The following ZNF595 variants were observed in gnomAD, a reference collection of about 807,000 sequenced individuals.
ZNF595 encodes the protein zinc finger protein 595.
Under a neutral mutation model 19.4 loss-of-function variants are expected in ZNF595, and 9 were observed. The ratio of observed to expected loss-of-function variants is 0.46; its 90% CI spans 0.28 to 0.81. ZNF595 has a LOEUF of 0.81. Among genes scored for constraint, ZNF595 ranks in the 30% least tolerant of loss-of-function variants. ZNF595 has a pLI of 0.11. For synonymous variants in ZNF595, 255 were observed against 255.9 expected (o/e 1.00, Z 0.03); for missense variants, 729 against 736.0 (o/e 0.99, Z 0.11).
intron 3 of ZNF595, among the ~76,000 whole-genome samples, chr4:81,302 TAA>T (rs1213635871): frequency 6.6e-6 from 1 of 152,230 alleles, no homozygotes. Context: ...ATTTCCAATA[TAA>T]GAGTCTCTGT....
chr4:79,371 G>A (rs1553799404), intron 3 of ZNF595, among the ~76,000 whole-genome samples: 1 of 152,128 alleles, frequency 6.6e-6, no homozygotes, highest in African/African-American at 2.4e-5. Context: ...CTGTTTCCAG[G>A]AATTGTCTTT....
rs33985555 is a variant in ZNF595 at position 87,715 on chromosome 4, ATTTT to A, written c.*284_*287del. The A allele has an allele frequency of 2.8e-4, 33 of 117,792 alleles. No homozygotes were observed. The highest frequency in any genetic ancestry group is 5.9e-4 in the Admixed American group (6 of 10,252). The allele number at this position is 117,792 out of a possible 1,614,324, so 7.3% of individuals were successfully genotyped here. ...ACACACAGTCCAGTTATACACTTTA[ATTTT>A]TTTTTTTTTTTTTTTTTTTGAGACA... is the stretch of plus-strand genomic sequence containing the variant. On this transcript the variant is annotated 3_prime_UTR_variant, in exon 4 of 4. Coordinates refer to ENST00000610261, the MANE Select transcript of ZNF595 (RefSeq NM_182524.4).
At chr4:79,093 C>T (rs1713796080) in intron 3 of ZNF595, among the ~76,000 whole-genome samples, 1 of 152,150 alleles carries the variant, frequency 6.6e-6, no homozygotes, top group South Asian at 2.1e-4. Context: ...AATTTAATAC[C>T]TTATAAACAA....
chr4:80,821 A>G (rs1395594292), intron 3 of ZNF595, among the ~76,000 whole-genome samples: 5 of 150,860 alleles, frequency 3.3e-5, no homozygotes. Context: ...GCTTGGGCTC[A>G]GAGGCCTGAC....
In ZNF595 at chr4:77,096, T is replaced by C. The variant is rs184085602; in HGVS notation, c.227-8635T>C. On this transcript the variant is annotated intron_variant, in intron 3 of 3. Coordinates refer to ENST00000610261, the MANE Select transcript of ZNF595 (RefSeq NM_182524.4). The stretch of plus-strand genomic sequence containing the variant: ...ATATGTACATTTTTACAGTTTATTA[T>C]GCAGTATGTGGCCCAAATGCTTTAT... 1.6e-3 allele frequency among the ~76,000 whole-genome samples: 239 copies of C among 152,204 alleles called. 1 individual carries two copies. Among genetic ancestry groups the C allele is most frequent in the Non-Finnish European group, 2.0e-3 (139 of 67,998 alleles).
At position 86,435 on chromosome 4, in the gene ZNF595, C is replaced by A; in HGVS notation, c.931C>A (p.Pro311Thr). The A allele has an allele frequency of 1.2e-6, 2 of 1,613,984 alleles. No homozygotes were observed. The highest frequency in any genetic ancestry group is 2.2e-5 in the South Asian group (2 of 91,076). The stretch of plus-strand genomic sequence containing the variant: ...TAAGAATATTCATACTGGAGAGAAA[C>A]CCTACAAATGTAAAGAATGTGGCAA... The part of the protein sequence containing the change: ...EHKNIHTGEK[P>T]YKCKECGKAF... The change falls in exon 4 of 4, where the codon CCC becomes ACC. Residue 311 changes from proline (P) to threonine (T), a missense_variant. Transcript: ENST00000610261.
intron 3 of ZNF595, among the ~76,000 whole-genome samples, chr4:82,961 T>C (rs1321633868): frequency 1.3e-5 from 2 of 152,172 alleles, no homozygotes; most frequent in African/African-American, 2.4e-5. Context: ...AATTGAGCTA[T>C]TGAAATATCC....
chr4:77,493 A>T (rs923413492), intron 3 of ZNF595, among the ~76,000 whole-genome samples: 1 of 152,116 alleles, frequency 6.6e-6, no homozygotes. Flanking sequence ...GTGAAGCCTT[A>T]TTTTGATGTC....
At chr4:71,395 G>A (rs1372971760) in intron 3 of ZNF595, among the ~76,000 whole-genome samples, 1 of 152,008 alleles carries the variant, frequency 6.6e-6, no homozygotes, top group African/African-American at 2.4e-5. Flanking sequence ...TGCATCTTTT[G>A]TGCCTCTTCT....
At chr4:82,371 GGTTTTTTTTTT>G (rs1295358322) in intron 3 of ZNF595, among the ~76,000 whole-genome samples, 2 of 97,714 alleles carry the variant, frequency 2.0e-5, no homozygotes, top group African/African-American at 7.3e-5. Context: ...TTTGGTTTGT[GGTTTTTTTTTT>G]TTTTTTTTTT....
chr4:77,753 A>G (rs1290498293), intron 3 of ZNF595, among the ~76,000 whole-genome samples: 4 of 152,178 alleles, frequency 2.6e-5, no homozygotes, highest in Non-Finnish European at 2.9e-5. Flanking sequence ...AACTTTATCA[A>G]TAAGACTGGC....
rs1553798978 is a variant in ZNF595 at position 77,618 on chromosome 4, T to G, written c.227-8113T>G. ...TATTTCCACTGAGATTGCAATTAAA[T>G]GCTTTGGAGCCAGGTCACATAACTA... On this transcript the variant is annotated intron_variant, in intron 3 of 3. Transcript: ENST00000610261. 2.6e-5 allele frequency among the ~76,000 whole-genome samples: 4 copies of G among 152,182 alleles called. No individual in the cohort carries two copies. In the East Asian group the frequency reaches 7.7e-4, roughly 29 times the overall value.
chr4:83,139 GTTC>G (rs531697956), intron 3 of ZNF595, among the ~76,000 whole-genome samples: 110 of 152,086 alleles, frequency 7.2e-4, no homozygotes, highest in Non-Finnish European at 4.1e-4. Flanking sequence ...TATAGTTTAT[GTTC>G]TTCTTTGTCT....
In ZNF595 at chr4:87,584, G is replaced by A. The variant is rs940437842; in HGVS notation, c.*133G>A. The A allele has an allele frequency of 1.2e-4, 93 of 749,918 alleles. No homozygotes were observed. Among genetic ancestry groups the A allele is most frequent in the Admixed American group, 1.4e-4 (4 of 29,006 alleles). 46.5% of individuals were successfully genotyped at this position (749,918 alleles called of 1,614,324 possible). A position where few individuals can be genotyped will look rare whatever the true frequency, so the allele number is the denominator to read the frequency against. ...AAATTTCTGTAGGTACATAGTATGT[G>A]TATCTATTCATGGCTTATTTGGATT... is the stretch of plus-strand genomic sequence containing the variant. On this transcript the variant is annotated 3_prime_UTR_variant, in exon 4 of 4. Coordinates refer to ENST00000610261, the MANE Select transcript of ZNF595 (RefSeq NM_182524.4).
intron 3 of ZNF595, among the ~76,000 whole-genome samples, chr4:81,355 A>G (rs928031365): frequency 6.6e-5 from 10 of 152,128 alleles, no homozygotes; most frequent in African/African-American, 1.4e-4. Context: ...TATAAGTTGT[A>G]TACTTGTTCT....
intron 3 of ZNF595, among the ~76,000 whole-genome samples, chr4:82,458 A>G (rs1354286407): frequency 2.2e-5 from 3 of 134,286 alleles, no homozygotes; most frequent in Non-Finnish European, 4.6e-5. Flanking sequence ...ATCTCAGCTC[A>G]CCACAACCCT....
In ZNF595 at chr4:87,159, A is replaced by T. The variant is rs1553801980; in HGVS notation, c.1655A>T (p.Asn552Ile). The T allele has an allele frequency of 1.2e-6, 2 of 1,613,758 alleles. No homozygotes were observed. Among genetic ancestry groups the T allele is most frequent in the Non-Finnish European group, 1.7e-6 (2 of 1,179,900 alleles). ...GCCTTTACTCGGTCCACAGCCCTGAATGAACATAAGAAAATTCATTCTGGA... is the reference window on the plus strand; with the variant it reads ...GCCTTTACTCGGTCCACAGCCCTGATTGAACATAAGAAAATTCATTCTGGA... ...GKAFTRSTAL[N>I]EHKKIHSGEK... The change falls in exon 4 of 4, where the codon AAT becomes ATT. Residue 552 changes from asparagine (N) to isoleucine (I), a missense_variant. Coordinates refer to ENST00000610261, the MANE Select transcript of ZNF595 (RefSeq NM_182524.4).
intron 3 of ZNF595, among the ~76,000 whole-genome samples, chr4:82,372 GTTTTTTTTTTTTTTTTTT>G (rs34932652): frequency 3.5e-5 from 3 of 85,922 alleles, no homozygotes; most frequent in Non-Finnish European, 7.0e-5. Flanking sequence ...TTGGTTTGTG[GTTTTTTTTTTTTTTTTTT>G]TTTTTTTTTT....
rs535868089 is a variant in ZNF595, at chr4:86,060, C to T, written c.556C>T (p.His186Tyr). ...TECGRSFYMS[H>Y]LTQHTGIHAG... ...ATGTGGCAGATCGTTTTACATGTCA[C>T]ACCTAACTCAACATACAGGAATTCA... The change falls in exon 4 of 4, where the codon CAC (histidine) becomes TAC (tyrosine). Residue 186 changes from histidine to tyrosine, a missense_variant. His to Tyr is a moderately conservative substitution (Grantham distance 83). Around this residue, in one of 2 missense-constraint regions of ZNF595, gnomAD observed 729 missense variants for 675.3 expected, o/e 1.08. Coordinates refer to ENST00000610261, the MANE Select transcript of ZNF595 (RefSeq NM_182524.4). 1.2e-5 allele frequency: 20 copies of T among 1,612,456 alleles called. No homozygotes were observed. The South Asian group carries it at 1.5e-4, about 12-fold the overall frequency.
Sources: allele counts gnomAD v4.1 joint callset (sites outside exome capture counted in the v4.1 genomes callset), GRCh38; gene constraint gnomAD v4.1.1; regional missense constraint gnomAD v4.1.1; transcripts MANE v1.5; gene names NCBI Gene and HGNC (gene_info 2026-07-23, HGNC 2026-07-21).